The following SPON1 variants were observed in gnomAD, a reference collection of about 807,000 sequenced individuals.
SPON1 encodes spondin-1.
In SPON1, 52 loss-of-function variants were observed where a neutral mutation model predicts 111.7. The ratio of observed to expected loss-of-function variants is 0.47; its 90% CI spans 0.37 to 0.59. The LOEUF (loss-of-function observed/expected upper bound fraction) is 0.59. SPON1 is among the 20% of genes least tolerant of loss of function. The pLI, the probability that SPON1 is intolerant of heterozygous loss-of-function variation, is 0.00. For missense variants in SPON1, 957 were observed against 1,068.5 expected (o/e 0.90, Z 1.46); for synonymous variants, 410 against 395.8 (o/e 1.04, Z -0.43).
intron 2 of SPON1, among the ~76,000 whole-genome samples, chr11:14,032,746 T>C (rs1848568242): frequency 6.6e-6 from 1 of 152,168 alleles, no homozygotes. Flanking sequence ...TCTATCACAC[T>C]ACTTCTCATG....
intron 3 of SPON1, among the ~76,000 whole-genome samples, chr11:14,056,566 T>TA (rs1315890670): frequency 6.6e-6 from 1 of 151,848 alleles, no homozygotes; most frequent in Non-Finnish European, 1.5e-5. Context: ...CGTGTTAAAT[T>TA]AAAAAAAATC....
intron 2 of SPON1, among the ~76,000 whole-genome samples, chr11:13,998,819 G>T (rs1554912116): frequency 6.6e-6 from 1 of 152,176 alleles, no homozygotes; most frequent in Admixed American, 6.5e-5. Context: ...AACTAGCATT[G>T]TTTCCACATC....
chr11:14,020,007 G>C (rs917880319), intron 2 of SPON1, among the ~76,000 whole-genome samples: 3 of 152,198 alleles, frequency 2.0e-5, no homozygotes, highest in African/African-American at 7.2e-5. Flanking sequence ...AAAGGAACAG[G>C]ATAGCCATAA....
At chr11:14,144,633 C>CTAATAA (rs782316295) in intron 6 of SPON1, among the ~76,000 whole-genome samples, 10,984 of 123,912 alleles carry the variant, frequency 0.089, 518 homozygotes, top group East Asian at 0.15. Flanking sequence ...GACTCCATCT[C>CTAATAA]CAATAATAAT....
chr11:14,014,642 G>A (rs10500790), intron 2 of SPON1, among the ~76,000 whole-genome samples: 47,285 of 151,948 alleles, frequency 0.31, 8,249 homozygotes, highest in South Asian at 0.51. Flanking sequence ...TCCTACTGTC[G>A]GGCATTTGCG....
intron 2 of SPON1, among the ~76,000 whole-genome samples, chr11:13,990,300 T>C (rs1017704003): frequency 5.3e-5 from 8 of 151,168 alleles, no homozygotes; most frequent in Non-Finnish European, 7.4e-5. Context: ...CATTCTGTAA[T>C]GCCCTTCTTT....
intron 6 of SPON1, among the ~76,000 whole-genome samples, chr11:14,180,962 T>C (rs573422073): frequency 2.0e-5 from 3 of 152,260 alleles, no homozygotes; most frequent in South Asian, 2.1e-4. Context: ...GAAATAAACT[T>C]CCCTTCAGTT....
intron 1 of SPON1, among the ~76,000 whole-genome samples, chr11:13,982,166 A>ATG (rs1554909732): frequency 1.3e-5 from 2 of 150,984 alleles, no homozygotes; most frequent in Non-Finnish European, 2.9e-5. Context: ...AAACTTTATC[A>ATG]TATGTATGTA....
chr11:14,264,907 G>C (rs1591432744), intron 15 of SPON1, among the ~76,000 whole-genome samples: 1 of 152,170 alleles, frequency 6.6e-6, no homozygotes. Context: ...CCAAGTACTT[G>C]GGGAGTAAGG....
intron 2 of SPON1, among the ~76,000 whole-genome samples, chr11:14,033,805 T>A (rs568447518): frequency 6.6e-6 from 1 of 152,188 alleles, no homozygotes; most frequent in African/African-American, 2.4e-5. Flanking sequence ...TGTCTACCTG[T>A]CTAAACTTGG....
At chr11:14,070,482 C>T (rs1300365639) in intron 3 of SPON1, among the ~76,000 whole-genome samples, 1 of 152,240 alleles carries the variant, frequency 6.6e-6, no homozygotes, top group Non-Finnish European at 1.5e-5. Context: ...GTACTTATTA[C>T]GTGCCAGGTA....
chr11:14,150,655 C>T (rs1332910716), intron 6 of SPON1, among the ~76,000 whole-genome samples: 2 of 151,928 alleles, frequency 1.3e-5, no homozygotes, highest in African/African-American at 4.8e-5. Flanking sequence ...CCATGGTGAG[C>T]GTGAAACTAA....
chr11:13,981,569 G>A (rs188375168), intron 1 of SPON1, among the ~76,000 whole-genome samples: 16 of 152,236 alleles, frequency 1.1e-4, no homozygotes, highest in Admixed American at 5.9e-4. Flanking sequence ...CTTGTGATCC[G>A]CCCACCTCGG....
chr11:13,967,075 T>G (rs1455175432), intron 1 of SPON1, among the ~76,000 whole-genome samples: 1 of 152,256 alleles, frequency 6.6e-6, no homozygotes, highest in Non-Finnish European at 1.5e-5. Flanking sequence ...TACTGTTTTA[T>G]GGATGAGAAG....
intron 6 of SPON1, among the ~76,000 whole-genome samples, chr11:14,157,885 T>G (rs1554930542): frequency 6.6e-6 from 1 of 152,170 alleles, no homozygotes; most frequent in Non-Finnish European, 1.5e-5. Context: ...AGTTTGTTGC[T>G]AAAATTCTCC....
chr11:14,139,977 G>T (rs1847634816), intron 6 of SPON1, among the ~76,000 whole-genome samples: 1 of 152,178 alleles, frequency 6.6e-6, no homozygotes, highest in South Asian at 2.1e-4. Flanking sequence ...ATAGTGAGGG[G>T]ATTGTGGCAC....
intron 11 of SPON1, 51 bp downstream of exon 11, chr11:14,257,949 A>C: frequency 6.8e-7 from 1 of 1,467,520 alleles, no homozygotes; most frequent in Non-Finnish European, 9.1e-7. Context: ...TCAGGAAGGG[A>C]GGGTCTGCCT....
intron 6 of SPON1, among the ~76,000 whole-genome samples, chr11:14,162,196 T>TA (rs75689891): frequency 0.39 from 58,415 of 149,606 alleles, 11,750 homozygotes; most frequent in East Asian, 0.55. Context: ...AAGGTTTTCT[T>TA]AAAATATAAA....
At chr11:14,264,066 G>C (rs1183466866) in intron 15 of SPON1, among the ~76,000 whole-genome samples, 2 of 151,904 alleles carry the variant, frequency 1.3e-5, no homozygotes, top group Non-Finnish European at 2.9e-5. Context: ...TACATTCCAG[G>C]CAGCAAGAAT....
Sources: gnomAD v4.1 joint callset for allele counts (sites outside exome capture counted in the v4.1 genomes callset) on GRCh38, gnomAD v4.1.1 for gene constraint, MANE v1.5 for transcripts, NCBI Gene and HGNC (gene_info 2026-07-23, HGNC 2026-07-21) for gene names.